Variants in ADCY10 observed in about 807,000 individuals in gnomAD.
The protein encoded by ADCY10 is adenylate cyclase 10.
ADCY10 carries 156 observed loss-of-function variants against 183.3 expected under a neutral mutation model. The observed-to-expected ratio is 0.85, with a 90% CI of 0.75 to 0.97. ADCY10 has a LOEUF of 0.97. Ranked by LOEUF, ADCY10 falls within the 50% of genes least tolerant of loss-of-function variation. The pLI is 0.00. For missense variants in ADCY10, 1,745 were observed against 1,934.3 expected, an observed-to-expected ratio of 0.90 and a Z score of 1.84; for synonymous variants, 645 against 670.0, an observed-to-expected ratio of 0.96 and a Z score of 0.58.
At chr1:167,899,279 G>A (rs1028297738) in intron 6 of ADCY10, 144 bp downstream of exon 6, 2 of 801,382 alleles carry the variant, frequency 2.5e-6, no homozygotes. Context: ...CTGGACTAAA[G>A]CCTCTGTAGC....
chr1:167,882,594 A>G (rs1667946544), intron 9 of ADCY10, among the ~76,000 whole-genome samples: 1 of 152,082 alleles, frequency 6.6e-6, no homozygotes, highest in South Asian at 2.1e-4. Context: ...TGACATGGCA[A>G]GTGGGCTTTC....
chr1:167,838,796 A>T (rs949038546), intron 21 of ADCY10, among the ~76,000 whole-genome samples: 1 of 152,224 alleles, frequency 6.6e-6, no homozygotes, highest in Non-Finnish European at 1.5e-5. Context: ...AATTAACATG[A>T]TTCAAACAGA....
chr1:167,863,138 A>G (rs1374591085), intron 14 of ADCY10, among the ~76,000 whole-genome samples: 1 of 152,158 alleles, frequency 6.6e-6, no homozygotes, highest in East Asian at 1.9e-4. Context: ...TCAGAAAAGG[A>G]AAGAAAAGTG....
At chr1:167,852,538 T>C (rs1364863136) in intron 18 of ADCY10, among the ~76,000 whole-genome samples, 1 of 152,206 alleles carries the variant, frequency 6.6e-6, no homozygotes, top group Non-Finnish European at 1.5e-5. Flanking sequence ...GTATTTACTC[T>C]GCAGTATTTA....
Position 167,834,026 on chromosome 1 carries a change from C to T in ADCY10, c.3361G>A (p.Asp1121Asn). The T allele has an allele frequency of 1.2e-6, 2 of 1,614,176 alleles. No individual in the cohort carries two copies. Among genetic ancestry groups the T allele is most frequent in the South Asian group, 1.1e-5 (1 of 91,084 alleles). The change falls in exon 24 of 33, where the codon GAC (aspartate) becomes AAC (asparagine). Residue 1121 changes from aspartate (D) to asparagine (N), a missense_variant. Asp to Asn is a conservative substitution (Grantham distance 23). Transcript: ENST00000367851. ...TCAAATGTCTGGCTCCAAGATTTGT[C>T]CTTCTTGAGAGTTTTTAGCAACTTC... ...GQKLLKTLKK[D>N]KSWSQTFESA...
Position 167,879,971 on chromosome 1 carries a change from A to T in ADCY10, c.1216+144T>A, listed in dbSNP as rs1667754104. The T allele has an allele frequency of 6.8e-6, 5 of 733,006 alleles. No individual in the cohort carries two copies. In the Admixed American group the frequency reaches 8.0e-5, roughly 12 times the overall value. The allele number at this position is 733,006 out of a possible 1,614,324, so 45.4% of individuals were successfully genotyped here. On this transcript the variant is annotated intron_variant, in intron 11 of 32. Transcript: ENST00000367851. ...ACACTCTGCAAGCATTGAGGGCTCC[A>T]TGGCTTGGCTCCATCTGGAAGACTC...
intron 1 of ADCY10, among the ~76,000 whole-genome samples, chr1:167,910,554 C>T (rs1670083995): frequency 6.6e-6 from 1 of 152,158 alleles, no homozygotes; most frequent in Admixed American, 6.5e-5. Context: ...TCCCTACCTT[C>T]TCCTTGAGGT....
At chr1:167,880,312 G>A (rs576979577) in intron 10 of ADCY10, 121 bp from the exon 11 acceptor site, 148 of 1,041,212 alleles carry the variant, frequency 1.4e-4, no homozygotes, top group African/African-American at 4.6e-4. Context: ...TTCTCTACCC[G>A]TTGGAATTAG....
intron 24 of ADCY10, among the ~76,000 whole-genome samples, chr1:167,833,474 G>A (rs1369285363): frequency 3.3e-5 from 5 of 152,162 alleles, no homozygotes; most frequent in East Asian, 1.9e-4. Flanking sequence ...GGCCGGGCAC[G>A]GTGGCTAACG....
intron 18 of ADCY10, among the ~76,000 whole-genome samples, chr1:167,852,263 C>G (rs1316826437): frequency 6.6e-6 from 1 of 152,056 alleles, no homozygotes; most frequent in African/African-American, 2.4e-5. Flanking sequence ...GCCAACATGG[C>G]AAAACCCTGT....
chr1:167,822,857 G>A (rs1418267111), intron 29 of ADCY10, 151 bp downstream of exon 29: 1 of 730,480 alleles, frequency 1.4e-6, no homozygotes, highest in Non-Finnish European at 2.5e-6. Flanking sequence ...CAGTGCTTCA[G>A]CTCACACAAC....
intron 25 of ADCY10, among the ~76,000 whole-genome samples, chr1:167,830,908 C>T (rs1468439013): frequency 2.0e-5 from 3 of 152,164 alleles, no homozygotes; most frequent in Admixed American, 2.0e-4. Context: ...TTTTGTCTCA[C>T]CTATCTGTGA....
At position 167,870,294 on chromosome 1, in the gene ADCY10, T is replaced by G; in HGVS notation, c.1579A>C (p.Met527Leu). The G allele has an allele frequency of 3.1e-6, 5 of 1,614,098 alleles. No homozygotes were observed. The highest frequency in any genetic ancestry group is 4.2e-6 in the Non-Finnish European group (5 of 1,180,014). Residue 527 changes from methionine to leucine, a missense_variant, in exon 14 of 33, where the codon ATG (methionine) becomes CTG (leucine). By Grantham distance (15) the Met-to-Leu change is conservative (BLOSUM62 2). Coordinates refer to ENST00000367851, the MANE Select transcript of ADCY10 (RefSeq NM_018417.6). ...LPGYGKSQIL[M>L]KIEYLAQGKN... ...CCTTGGGCCAGGTACTCAATTTTCA[T>G]AAGTATCTGGCTTTTTCCATATCCT...
At position 167,875,192 on chromosome 1, in the gene ADCY10, G is replaced by A. The variant is rs1350179243; in HGVS notation, c.1407-6C>T. ...GGCACGCCATACCAAACATGCTGAA[G>A]AGAAGAACAAAAGAACAGATGCTAG... is the stretch of plus-strand genomic sequence containing the variant. On this transcript the variant is annotated splice_polypyrimidine_tract_variant and splice_region_variant and intron_variant, in intron 12 of 32. Coordinates refer to ENST00000367851, the MANE Select transcript of ADCY10 (RefSeq NM_018417.6). The A allele has an allele frequency of 1.1e-5, 18 of 1,613,858 alleles. No individual in the cohort carries two copies. The highest frequency in any genetic ancestry group is 1.6e-4 in the Middle Eastern group (1 of 6,082).
intron 30 of ADCY10, chr1:167,820,309 G>C: frequency 1.2e-5 from 14 of 1,169,868 alleles, no homozygotes; most frequent in Non-Finnish European, 1.7e-5. Context: ...AAGTCTCTGG[G>C]AAGGGGACTA....
At chr1:167,823,852 G>A (rs557108523) in intron 28 of ADCY10, among the ~76,000 whole-genome samples, 41 of 152,272 alleles carry the variant, frequency 2.7e-4, no homozygotes, top group African/African-American at 9.6e-4. Context: ...TTGACCTCTA[G>A]TCCTGGTTGC....
At chr1:167,871,989 G>A (rs966471310) in intron 13 of ADCY10, among the ~76,000 whole-genome samples, 1 of 152,158 alleles carries the variant, frequency 6.6e-6, no homozygotes, top group Non-Finnish European at 1.5e-5. Context: ...CCTGCACGTT[G>A]TGCATTGTGT....
intron 13 of ADCY10, among the ~76,000 whole-genome samples, chr1:167,874,697 A>G (rs921275221): frequency 6.6e-6 from 1 of 152,252 alleles, no homozygotes; most frequent in Non-Finnish European, 1.5e-5. Flanking sequence ...CATAAGAACC[A>G]AAAACTGGAA....
At chr1:167,874,750 T>C (rs1381001317) in intron 13 of ADCY10, among the ~76,000 whole-genome samples, 1 of 152,208 alleles carries the variant, frequency 6.6e-6, no homozygotes, top group African/African-American at 2.4e-5. Context: ...TAAATTGTTG[T>C]ATATTTATAA....
Sources: allele counts gnomAD v4.1 joint callset (sites outside exome capture counted in the v4.1 genomes callset), GRCh38; gene constraint gnomAD v4.1.1; transcripts MANE v1.5; gene names NCBI Gene and HGNC (gene_info 2026-07-23, HGNC 2026-07-21).